MSI2: variants seen among roughly 807,000 people sequenced by gnomAD.
The protein encoded by MSI2 is musashi RNA binding protein 2.
MSI2 carries 17 observed loss-of-function variants against 45.6 expected under a neutral mutation model. The observed-to-expected ratio is 0.37, with a 90% CI of 0.26 to 0.56. MSI2 has a LOEUF of 0.56. Ranked by LOEUF, MSI2 falls within the 20% of genes least tolerant of loss-of-function variation. The pLI is 0.77. For missense variants in MSI2, 293 were observed against 444.2 expected (o/e 0.66, Z 3.06); for synonymous variants, 156 against 158.2 (o/e 0.99, Z 0.11).
chr17:57,564,978 C>T (rs542216414), intron 7 of MSI2, among the ~76,000 whole-genome samples: 9 of 152,274 alleles, frequency 5.9e-5, no homozygotes, highest in Non-Finnish European at 1.2e-4. Context: ...TTATGGGGCA[C>T]CTAACAGTGC....
At chr17:57,290,796 C>T (rs1264490405) in intron 5 of MSI2, among the ~76,000 whole-genome samples, 2 of 152,222 alleles carry the variant, frequency 1.3e-5, no homozygotes, top group South Asian at 2.1e-4. Context: ...GCAGGGAGCC[C>T]GCATATAACC....
rs1906741931 is a variant in MSI2 at position 57,256,629 on chromosome 17, G to A, written c.-114G>A. 2.2e-6 allele frequency: 1 copy of A among 462,296 alleles called. No homozygotes were observed. Among genetic ancestry groups the A allele is most frequent in the Non-Finnish European group, 3.7e-6 (1 of 271,694 alleles). The allele number at this position is 462,296 out of a possible 1,614,324, so 28.6% of individuals were successfully genotyped here. A position where few individuals can be genotyped will look rare whatever the true frequency, so the allele number is the denominator to read the frequency against. ...GATTCGGAGGAGCCCGGGCGGGGGG[G>A]AGGAGGAGGGGGAGGAGGGAGCGGA... On this transcript the variant is annotated 5_prime_UTR_variant, in exon 1 of 14. Transcript: ENST00000284073.
intron 6 of MSI2, among the ~76,000 whole-genome samples, chr17:57,418,046 A>G (rs866526756): frequency 2.6e-4 from 39 of 152,340 alleles, no homozygotes; most frequent in African/African-American, 9.1e-4. Context: ...GTAAAGGGTC[A>G]GATACCAAAT....
At chr17:57,693,345 C>T in the MSI2 span, among the ~76,000 whole-genome samples, 8 of 152,000 alleles carry the variant, frequency 5.3e-5, no homozygotes, top group South Asian at 4.2e-4. Flanking sequence ...CCACACCTGG[C>T]GAAATTTTGT....
chr17:57,522,883 G>A (rs2086621365), intron 6 of MSI2: 1 of 152,176 alleles, frequency 6.6e-6, no homozygotes, highest in Non-Finnish European at 1.5e-5. Flanking sequence ...TGTGTCCTCA[G>A]ATCAGTTCAG....
intron 7 of MSI2, among the ~76,000 whole-genome samples, chr17:57,551,899 TG>T (rs1232980355): frequency 1.3e-5 from 2 of 152,166 alleles, no homozygotes; most frequent in Non-Finnish European, 2.9e-5. Context: ...GCAGATGTCA[TG>T]CCCTGCCTGT....
intron 6 of MSI2, among the ~76,000 whole-genome samples, chr17:57,471,040 CA>C (rs1407521424): frequency 6.6e-6 from 1 of 152,164 alleles, no homozygotes; most frequent in East Asian, 1.9e-4. Context: ...GCTTCTGGCC[CA>C]TCTGAAGACC....
chr17:57,502,617 A>ATC (rs1486866387), intron 6 of MSI2, among the ~76,000 whole-genome samples: 1 of 116,978 alleles, frequency 8.5e-6, no homozygotes, highest in Non-Finnish European at 1.8e-5. Flanking sequence ...ATATATATAT[A>ATC]TATATATATA....
chr17:57,618,098 A>G (rs1443047082), intron 9 of MSI2: 1 of 151,236 alleles, frequency 6.6e-6, no homozygotes. Flanking sequence ...AATAATAATA[A>G]TAAACATTAG....
At chr17:57,619,410 A>G (rs1402354313) in intron 9 of MSI2, among the ~76,000 whole-genome samples, 4 of 152,228 alleles carry the variant, frequency 2.6e-5, no homozygotes, top group Non-Finnish European at 5.9e-5. Context: ...CCTGATGATC[A>G]TCATAGAGTC....
intron 7 of MSI2, among the ~76,000 whole-genome samples, chr17:57,560,191 A>G (rs948790017): frequency 6.6e-6 from 1 of 152,246 alleles, no homozygotes. Flanking sequence ...GAAGCAGTTC[A>G]TTGCGTAATG....
chr17:57,588,391 T>A (rs903291186), intron 7 of MSI2, among the ~76,000 whole-genome samples: 5 of 152,172 alleles, frequency 3.3e-5, no homozygotes, highest in African/African-American at 4.8e-5. Flanking sequence ...GCTGACTCAT[T>A]TGAGAGCCAG....
At chr17:57,672,514 G>C (rs371648666) in intron 11 of MSI2, among the ~76,000 whole-genome samples, 208 of 152,304 alleles carry the variant, frequency 1.4e-3, no homozygotes, top group African/African-American at 4.7e-3. Context: ...TTAGTCTCTA[G>C]GTGGCTCTCC....
At chr17:57,354,435 T>A (rs897253440) in intron 5 of MSI2, among the ~76,000 whole-genome samples, 1 of 152,120 alleles carries the variant, frequency 6.6e-6, no homozygotes, top group Non-Finnish European at 1.5e-5. Flanking sequence ...AGCAGGATGG[T>A]CAAGGTCAAT....
intron 9 of MSI2, among the ~76,000 whole-genome samples, chr17:57,622,566 A>G (rs531106809): frequency 1.3e-5 from 2 of 152,250 alleles, no homozygotes; most frequent in East Asian, 3.9e-4. Context: ...CGTTAGCCAA[A>G]AGCATTCTTA....
intron 9 of MSI2, chr17:57,626,945 T>C (rs1908860826): frequency 1.9e-6 from 1 of 514,272 alleles, no homozygotes; most frequent in African/African-American, 1.9e-5. Flanking sequence ...GGCTTTGTGT[T>C]TGGTGCTGAT....
Position 57,650,303 on chromosome 17 carries a change from G to A in MSI2, c.728-1796G>A, listed in dbSNP as rs150768592. Among the ~76,000 whole-genome samples the A allele has an allele frequency of 4.9e-3, 742 of 152,102 alleles. 4 individuals are homozygous for A. Among genetic ancestry groups the A allele is most frequent in the African/African-American group, 0.017 (711 of 41,478 alleles). ...AGGAGTGCAAAGGAATGACTCACCT[G>A]CACCCTCTCCCTCCAGCATCCCCTG... On this transcript the variant is annotated intron_variant, in intron 10 of 13. Coordinates refer to ENST00000284073, the MANE Select transcript of MSI2 (RefSeq NM_138962.4).
chr17:57,566,762 G>T (rs556383365), intron 7 of MSI2, among the ~76,000 whole-genome samples: 1 of 152,166 alleles, frequency 6.6e-6, no homozygotes, highest in Non-Finnish European at 1.5e-5. Flanking sequence ...GACTGCCACC[G>T]ATCTGGTTGG....
chr17:57,562,496 C>T (rs531417549), intron 7 of MSI2, among the ~76,000 whole-genome samples: 1 of 152,362 alleles, frequency 6.6e-6, no homozygotes, highest in Admixed American at 6.5e-5. Context: ...CTGCGTAACA[C>T]AGCCCTTCTT....
Sources: allele counts gnomAD v4.1 joint callset (sites outside exome capture counted in the v4.1 genomes callset), GRCh38; gene constraint gnomAD v4.1.1; transcripts MANE v1.5; gene names NCBI Gene and HGNC (gene_info 2026-07-23, HGNC 2026-07-21).